The following FGF12 variants were observed in gnomAD, a reference collection of about 807,000 sequenced individuals.
FGF12 encodes the protein fibroblast growth factor 12.
FGF12 carries 14 observed loss-of-function variants against 23.6 expected under a neutral mutation model. The observed-to-expected ratio is 0.59, with a 90% CI of 0.39 to 0.93. The LOEUF is 0.93. FGF12 is among the 40% of genes least tolerant of loss of function. The pLI is 0.00. For synonymous variants in FGF12, 62 were observed against 77.3 expected (o/e 0.80, Z 1.04); for missense variants, 175 against 217.8 (o/e 0.80, Z 1.24).
intron 2 of FGF12, among the ~76,000 whole-genome samples, chr3:192,699,154 C>T (rs1718218275): frequency 6.6e-6 from 1 of 152,122 alleles, no homozygotes; most frequent in Non-Finnish European, 1.5e-5. Context: ...GTTTCTAGTC[C>T]TCACCTATCT....
At chr3:192,321,894 T>C (rs1168425847) in intron 4 of FGF12, among the ~76,000 whole-genome samples, 2 of 152,084 alleles carry the variant, frequency 1.3e-5, no homozygotes, top group African/African-American at 4.8e-5. Flanking sequence ...AGTCTTTCTC[T>C]AAGATTAGGG....
At chr3:192,508,220 A>G (rs1019455658) in intron 2 of FGF12, among the ~76,000 whole-genome samples, 6 of 152,338 alleles carry the variant, frequency 3.9e-5, no homozygotes, top group East Asian at 3.9e-4. Flanking sequence ...TATAAACAAG[A>G]AAGATCATTT....
At chr3:192,444,696 C>G (rs190162699) in intron 2 of FGF12, among the ~76,000 whole-genome samples, 1 of 152,226 alleles carries the variant, frequency 6.6e-6, no homozygotes, top group Non-Finnish European at 1.5e-5. Flanking sequence ...TGGGCGAGCG[C>G]CACCTCGTGG....
At chr3:192,604,103 A>G (rs1201281015) in intron 2 of FGF12, among the ~76,000 whole-genome samples, 1 of 152,192 alleles carries the variant, frequency 6.6e-6, no homozygotes, top group Non-Finnish European at 1.5e-5. Flanking sequence ...GTTCATTTAT[A>G]GTCTCTCTGC....
intron 2 of FGF12, among the ~76,000 whole-genome samples, chr3:192,531,015 A>G (rs999529542): frequency 5.9e-5 from 9 of 152,070 alleles, no homozygotes; most frequent in Admixed American, 4.6e-4. Flanking sequence ...GCTTTTCACC[A>G]TGTTGGCCAG....
chr3:192,445,183 G>A (rs912174562), intron 2 of FGF12, among the ~76,000 whole-genome samples: 1 of 152,202 alleles, frequency 6.6e-6, no homozygotes, highest in Admixed American at 6.5e-5. Context: ...AATTCACAGA[G>A]GAGTGTGATT....
At chr3:192,242,719 G>A (rs1338509415) in intron 4 of FGF12, among the ~76,000 whole-genome samples, 1 of 151,926 alleles carries the variant, frequency 6.6e-6, no homozygotes, top group African/African-American at 2.4e-5. Flanking sequence ...TCAAAAAAAA[G>A]TTAAAACCAG....
intron 4 of FGF12, among the ~76,000 whole-genome samples, chr3:192,203,133 TTGTGTG>T (rs57503863): frequency 2.8e-4 from 41 of 148,268 alleles, no homozygotes; most frequent in South Asian, 1.1e-3. Context: ...CATTAAATAT[TTGTGTG>T]TGTGTGTGTG....
At chr3:192,503,763 G>A (rs1479027293) in intron 2 of FGF12, among the ~76,000 whole-genome samples, 3 of 151,750 alleles carry the variant, frequency 2.0e-5, no homozygotes, top group South Asian at 2.1e-4. Context: ...CCGCCACCAC[G>A]CCCGGCTAAA....
chr3:192,439,694 T>C (rs1046143077), intron 2 of FGF12, among the ~76,000 whole-genome samples: 1 of 152,014 alleles, frequency 6.6e-6, no homozygotes, highest in Non-Finnish European at 1.5e-5. Context: ...AAGCATAACA[T>C]GGCCAGGCGT....
At chr3:192,394,210 T>C (rs534376015) in intron 2 of FGF12, among the ~76,000 whole-genome samples, 4 of 152,324 alleles carry the variant, frequency 2.6e-5, no homozygotes, top group African/African-American at 9.6e-5. Context: ...AGTTCCACTA[T>C]ATTATTAAGT....
At chr3:192,562,169 T>C (rs1237372716) in intron 2 of FGF12, among the ~76,000 whole-genome samples, 1 of 152,144 alleles carries the variant, frequency 6.6e-6, no homozygotes, top group Non-Finnish European at 1.5e-5. Flanking sequence ...AAAAATTCAT[T>C]TATATGCAAT....
intron 2 of FGF12, among the ~76,000 whole-genome samples, chr3:192,595,674 A>C (rs1713812785): frequency 6.6e-6 from 1 of 152,196 alleles, no homozygotes; most frequent in Non-Finnish European, 1.5e-5. Context: ...CAGGGACCAC[A>C]CTTGGAAAAT....
chr3:192,197,429 T>G (rs1717126722), intron 4 of FGF12, among the ~76,000 whole-genome samples: 1 of 152,240 alleles, frequency 6.6e-6, no homozygotes, highest in Non-Finnish European at 1.5e-5. Context: ...ACATTTGAAC[T>G]GCAGTGTTGT....
At chr3:192,379,449 T>G (rs1719721846) in intron 2 of FGF12, among the ~76,000 whole-genome samples, 1 of 150,960 alleles carries the variant, frequency 6.6e-6, no homozygotes, top group Non-Finnish European at 1.5e-5. Context: ...AAAGCCTATC[T>G]TTTTTAAATG....
intron 2 of FGF12, among the ~76,000 whole-genome samples, chr3:192,709,827 T>C (rs973180246): frequency 6.6e-6 from 1 of 152,218 alleles, no homozygotes; most frequent in African/African-American, 2.4e-5. Context: ...ATCTTTATGA[T>C]GGCATTTACC....
At chr3:192,564,421 G>A (rs1712188796) in intron 2 of FGF12, among the ~76,000 whole-genome samples, 1 of 152,012 alleles carries the variant, frequency 6.6e-6, no homozygotes, top group African/African-American at 2.4e-5. Flanking sequence ...CTTACCTCAG[G>A]GATTACATTT....
intron 3 of FGF12, among the ~76,000 whole-genome samples, chr3:192,335,749 C>A (rs929059266): frequency 1.3e-5 from 2 of 152,004 alleles, no homozygotes; most frequent in African/African-American, 4.8e-5. Flanking sequence ...GATCCCTGAT[C>A]CTTAAAATGA....
chr3:192,603,954 C>T (rs915813322), intron 2 of FGF12, among the ~76,000 whole-genome samples: 5 of 152,104 alleles, frequency 3.3e-5, no homozygotes, highest in African/African-American at 1.2e-4. Context: ...TATCTCAGTC[C>T]TTATCTCAAC....
Sources: gnomAD v4.1 joint callset for allele counts (sites outside exome capture counted in the v4.1 genomes callset) on GRCh38, gnomAD v4.1.1 for gene constraint, MANE v1.5 for transcripts, NCBI Gene and HGNC (gene_info 2026-07-23, HGNC 2026-07-21) for gene names.